Variants in AGL observed in about 807,000 individuals in gnomAD.
AGL encodes the protein glycogen debranching enzyme.
In AGL, 128 loss-of-function variants were observed where a neutral mutation model predicts 199.3. The ratio of observed to expected loss-of-function variants is 0.64; its 90% CI spans 0.56 to 0.74. The LOEUF is 0.74. AGL is among the 30% of genes least tolerant of loss of function. AGL has a pLI of 0.00. For synonymous variants in AGL, 584 were observed against 594.7 expected, an observed-to-expected ratio of 0.98 and a Z score of 0.26; for missense variants, 1,809 against 1,820.8, an observed-to-expected ratio of 0.99 and a Z score of 0.12.
intron 28 of AGL, 23 bp downstream of exon 28, chr1:99,910,870 G>GTA (rs1557788491): frequency 1.2e-6 from 2 of 1,605,246 alleles, no homozygotes; most frequent in Non-Finnish European, 1.7e-6. Context: ...TTATAATGCT[G>GTA]TGTAATTATA....
chr1:99,914,119 A>G (rs1316290991), intron 30 of AGL, among the ~76,000 whole-genome samples: 1 of 152,030 alleles, frequency 6.6e-6, no homozygotes, highest in Non-Finnish European at 1.5e-5. Flanking sequence ...CCCCACCACC[A>G]TATTTGAAAA....
At chr1:99,867,096 G>A (rs1650579536) in intron 5 of AGL, among the ~76,000 whole-genome samples, 1 of 152,190 alleles carries the variant, frequency 6.6e-6, no homozygotes, top group African/African-American at 2.4e-5. Flanking sequence ...TGGGATTACA[G>A]GCGTGAGCCA....
At chr1:99,858,009 G>A (rs574688888) in intron 2 of AGL, among the ~76,000 whole-genome samples, 47 of 152,312 alleles carry the variant, frequency 3.1e-4, no homozygotes, top group African/African-American at 9.9e-4. Context: ...AGAAGAAAAC[G>A]TAGAGGTTGT....
rs142688048 is a variant in AGL at position 99,855,913 on chromosome 1, T to G, written c.82+4789T>G. ...TTTTACTATTTTTTAAAGAAAATAT[T>G]TAGACATAAAGGTTCTTTGATTAGA... On this transcript the variant is annotated intron_variant, in intron 2 of 33. Transcript: ENST00000361915. Among the ~76,000 whole-genome samples, 36 of 152,322 alleles carry G rather than the reference T, an allele frequency of 2.4e-4. 2 individuals carry two copies. The East Asian group carries it at 6.9e-3, about 29-fold the overall frequency.
intron 11 of AGL, 58 bp downstream of exon 11, chr1:99,876,655 A>T: frequency 6.3e-7 from 1 of 1,588,842 alleles, no homozygotes; most frequent in Non-Finnish European, 8.6e-7. Flanking sequence ...GCAAGGTCAA[A>T]ATAAAATCTG....
chr1:99,900,671 A>G lies in AGL; in HGVS notation c.3398A>G (p.His1133Arg). ...TTAGCATTTGCGGGTACCCTGAGGC[A>G]TGGTCTCATTCCTAATCTACTGGGT... is the stretch of plus-strand genomic sequence containing the variant. ...IILAFAGTLR[H>R]GLIPNLLGEG... The change falls in exon 26 of 34, where the codon CAT (histidine) becomes CGT (arginine). Residue 1133 changes from histidine to arginine, a missense_variant. Physicochemically the swap from His to Arg is conservative, Grantham distance 29. Transcript: ENST00000361915. The G allele has an allele frequency of 2.5e-6, 4 of 1,614,164 alleles. No homozygotes were observed. Among genetic ancestry groups the G allele is most frequent in the Non-Finnish European group, 3.4e-6 (4 of 1,180,020 alleles).
At chr1:99,881,861 GAT>G (rs775701694) in intron 17 of AGL, among the ~76,000 whole-genome samples, 170 bp downstream of exon 17, 13 of 152,216 alleles carry the variant, frequency 8.5e-5, no homozygotes, top group South Asian at 4.1e-4. Flanking sequence ...GGCCAGGTAT[GAT>G]GGCTCACACC....
intron 7 of AGL, among the ~76,000 whole-genome samples, chr1:99,874,129 A>G (rs930896145): frequency 4.6e-5 from 7 of 152,148 alleles, no homozygotes; most frequent in Admixed American, 4.6e-4. Flanking sequence ...GAATTCAAAG[A>G]AAGTCAGGTT....
intron 2 of AGL, 52 bp from the exon 3 acceptor site, chr1:99,861,451 T>C (rs1395951225): frequency 6.2e-7 from 1 of 1,611,442 alleles, no homozygotes; most frequent in South Asian, 1.1e-5. Flanking sequence ...TGTTTTTCAA[T>C]GTGGTAATTT....
chr1:99,907,693 G>GTTTGTTTTTTTTTT (rs1553191716), intron 27 of AGL, among the ~76,000 whole-genome samples: 1 of 118,974 alleles, frequency 8.4e-6, no homozygotes, highest in Admixed American at 9.2e-5. Flanking sequence ...TTTGTTTTTT[G>GTTTGTTTTTTTTTT]TTTTTTTTGC....
chr1:99,859,476 T>C (rs968826082), intron 2 of AGL, among the ~76,000 whole-genome samples: 3 of 152,312 alleles, frequency 2.0e-5, no homozygotes, highest in South Asian at 2.1e-4. Context: ...TCAGCCATAC[T>C]TTTTTCCAGA....
chr1:99,903,069 A>C (rs1653971420), intron 27 of AGL, among the ~76,000 whole-genome samples: 1 of 152,178 alleles, frequency 6.6e-6, no homozygotes, highest in African/African-American at 2.4e-5. Flanking sequence ...GCATTGTGGT[A>C]ACTACTTTAC....
intron 11 of AGL, among the ~76,000 whole-genome samples, chr1:99,877,093 C>T (rs1038530580): frequency 6.6e-5 from 10 of 152,084 alleles, no homozygotes. Flanking sequence ...TGCAGGAGCC[C>T]ATTGATATAT....
intron 20 of AGL, among the ~76,000 whole-genome samples, chr1:99,886,104 AC>A (rs1652434708): frequency 6.6e-6 from 1 of 152,196 alleles, no homozygotes; most frequent in African/African-American, 2.4e-5. Flanking sequence ...TATTATTATA[AC>A]GTAGTGTTTA....
intron 28 of AGL, 51 bp downstream of exon 28, chr1:99,910,898 A>T (rs763304603): frequency 6.3e-7 from 1 of 1,575,302 alleles, no homozygotes; most frequent in Non-Finnish European, 8.7e-7. Context: ...TTAAGAAAGC[A>T]CTTACTTGTG....
intron 8 of AGL, 103 bp from the exon 9 acceptor site, chr1:99,875,051 G>A (rs755900563): frequency 3.4e-5 from 39 of 1,133,036 alleles, no homozygotes; most frequent in Admixed American, 1.9e-4. Flanking sequence ...TTGAAATCCC[G>A]ATGAATATAT....
intron 25 of AGL, among the ~76,000 whole-genome samples, chr1:99,896,737 C>G (rs1653355446): frequency 6.6e-6 from 1 of 152,138 alleles, no homozygotes; most frequent in Admixed American, 6.5e-5. Flanking sequence ...TGATGTTTCC[C>G]TCTATTTGTT....
Position 99,870,838 on chromosome 1 carries a change from G to A in AGL, c.927G>A (p.Ala309=), listed in dbSNP as rs181804327. ...TTTTCCAAGTAGATGTCAACAAAGC[G>A]GTTGAGCAATTTAGAAGACTTCTTA... ...WEFFQVDVNK[A]VEQFRRLLTQ... The change falls in exon 7 of 34, where the codon GCG becomes GCA. Residue 309 remains alanine, a synonymous_variant. Coordinates refer to ENST00000361915, the MANE Select transcript of AGL (RefSeq NM_000642.3). 3.4e-5 allele frequency: 55 copies of A among 1,608,704 alleles called. No homozygotes were observed. Among genetic ancestry groups the A allele is most frequent in the Admixed American group, 8.3e-5 (5 of 59,994 alleles).
Position 99,864,712 on chromosome 1 carries a change from AAC to A in AGL, c.664+127_664+128del, listed in dbSNP as rs200123416. On this transcript the variant is annotated intron_variant, in intron 5 of 33. Coordinates refer to ENST00000361915, the MANE Select transcript of AGL (RefSeq NM_000642.3). ...GAAAGGGGCTAACATAAATTTTAAAAACACAAATGATGATTAGGTGTCCTTCT... is the reference window on the plus strand; with the variant it reads ...GAAAGGGGCTAACATAAATTTTAAAAACAAATGATGATTAGGTGTCCTTCT... The A allele has an allele frequency of 7.8e-4, 658 of 839,306 alleles. 5 individuals are homozygous for A. The African/African-American group carries it at 0.01, about 13-fold the overall frequency. 52.0% of individuals were successfully genotyped at this position (839,306 alleles called of 1,614,324 possible).
Sources: gnomAD v4.1 joint callset for allele counts (sites outside exome capture counted in the v4.1 genomes callset) on GRCh38, gnomAD v4.1.1 for gene constraint, MANE v1.5 for transcripts, NCBI Gene and HGNC (gene_info 2026-07-23, HGNC 2026-07-21) for gene names.